The following FSTL5 variants were observed in gnomAD, a reference collection of about 807,000 sequenced individuals.
FSTL5 encodes follistatin-related protein 5.
FSTL5 carries 62 observed loss-of-function variants against 89.1 expected under a neutral mutation model. The ratio of observed to expected loss-of-function variants is 0.70; its 90% CI spans 0.57 to 0.86. The LOEUF is 0.86. Ranked by LOEUF, FSTL5 falls within the 40% of genes least tolerant of loss-of-function variation. The pLI, the probability that FSTL5 is intolerant of heterozygous loss-of-function variation, is 0.00. For missense variants in FSTL5, 1,057 were observed against 1,001.6 expected, an observed-to-expected ratio of 1.06 and a Z score of -0.75; for synonymous variants, 383 against 346.2, an observed-to-expected ratio of 1.11 and a Z score of -1.18.
intron 8 of FSTL5, among the ~76,000 whole-genome samples, chr4:161,580,346 C>T (rs1199235564): frequency 1.3e-5 from 2 of 152,104 alleles, no homozygotes; most frequent in Non-Finnish European, 2.9e-5. Flanking sequence ...AATAGAGCAG[C>T]AATTGTTATT....
intron 4 of FSTL5, among the ~76,000 whole-genome samples, chr4:161,848,538 A>C (rs4691799): frequency 6.6e-6 from 1 of 152,002 alleles, no homozygotes; most frequent in African/African-American, 2.4e-5. Context: ...GTTTCAGGAA[A>C]TTAATATATT....
intron 7 of FSTL5, among the ~76,000 whole-genome samples, chr4:161,638,609 A>G (rs1350472577): frequency 4.1e-5 from 6 of 148,056 alleles, no homozygotes; most frequent in African/African-American, 1.5e-4. Context: ...AACTATTCCA[A>G]TCAATAGAAA....
At chr4:161,532,785 T>C (rs1022093977) in intron 10 of FSTL5, among the ~76,000 whole-genome samples, 2 of 152,094 alleles carry the variant, frequency 1.3e-5, no homozygotes, top group Admixed American at 6.6e-5. Flanking sequence ...CCACAGAATA[T>C]ACATTCTTCT....
intron 3 of FSTL5, among the ~76,000 whole-genome samples, chr4:161,994,016 T>C (rs1043424649): frequency 6.6e-6 from 1 of 152,144 alleles, no homozygotes; most frequent in African/African-American, 2.4e-5. Context: ...TAGTACCTAA[T>C]AGTTATCTTT....
intron 15 of FSTL5, among the ~76,000 whole-genome samples, chr4:161,389,946 AGT>A (rs1402614957): frequency 1.3e-5 from 2 of 152,088 alleles, no homozygotes; most frequent in Non-Finnish European, 2.9e-5. Context: ...AAAAATAAAT[AGT>A]GTTACCCAAG....
At chr4:161,555,510 T>A (rs1415483379) in intron 8 of FSTL5, among the ~76,000 whole-genome samples, 1 of 151,624 alleles carries the variant, frequency 6.6e-6, no homozygotes. Flanking sequence ...TATATCTAAT[T>A]TAGAGATCAG....
In FSTL5 at chr4:161,473,408, C is replaced by T. The variant is rs191171423; in HGVS notation, c.1608+7612G>A. ...ATTTTTTTATTAATAAATTATCTCC[C>T]TCTTTGTCTCTTGTAATTTTTTTTT... is the stretch of plus-strand genomic sequence containing the variant. On this transcript the variant is annotated intron_variant, in intron 13 of 15. Coordinates refer to ENST00000306100, the MANE Select transcript of FSTL5 (RefSeq NM_020116.5). Among the ~76,000 whole-genome samples the T allele has an allele frequency of 3.0e-4, 44 of 144,706 alleles. No homozygotes were observed. The East Asian group carries it at 7.3e-3, about 24-fold the overall frequency. 94.9% of individuals were successfully genotyped at this position (144,706 alleles called of 152,430 possible). A position where few individuals can be genotyped will look rare whatever the true frequency, so the allele number is the denominator to read the frequency against.
At chr4:161,603,743 C>T (rs552551557) in intron 7 of FSTL5, among the ~76,000 whole-genome samples, 2 of 151,960 alleles carry the variant, frequency 1.3e-5, no homozygotes, top group Non-Finnish European at 2.9e-5. Context: ...GAATCATGTT[C>T]GAGAGACAGA....
intron 2 of FSTL5, among the ~76,000 whole-genome samples, chr4:162,045,176 TGAGA>T (rs1346434444): frequency 1.3e-5 from 2 of 152,160 alleles, no homozygotes; most frequent in Non-Finnish European, 2.9e-5. Context: ...TGATTTAAAG[TGAGA>T]GACATACAAT....
intron 5 of FSTL5, among the ~76,000 whole-genome samples, chr4:161,775,596 T>G (rs925874276): frequency 6.6e-6 from 1 of 152,034 alleles, no homozygotes; most frequent in Non-Finnish European, 1.5e-5. Context: ...TATTATAAAT[T>G]CTACAAGATA....
At chr4:161,483,038 C>A (rs28438841) in intron 12 of FSTL5, among the ~76,000 whole-genome samples, 1 of 152,132 alleles carries the variant, frequency 6.6e-6, no homozygotes, top group South Asian at 2.1e-4. Context: ...GGTGACTACT[C>A]GGGAGGTCAA....
intron 1 of FSTL5, among the ~76,000 whole-genome samples, chr4:162,146,345 T>C (rs930077676): frequency 3.9e-5 from 6 of 152,186 alleles, no homozygotes; most frequent in Non-Finnish European, 7.4e-5. Flanking sequence ...GGATCAAAAA[T>C]AGAATTTCCT....
chr4:161,972,649 C>T (rs1735517372), intron 3 of FSTL5, among the ~76,000 whole-genome samples: 1 of 152,128 alleles, frequency 6.6e-6, no homozygotes, highest in Non-Finnish European at 1.5e-5. Context: ...TCCTTCTTTG[C>T]CGGTTGCAGT....
rs575856262 is a variant in FSTL5 at position 161,490,194 on chromosome 4, G to A, written c.1459-9025C>T. Among the ~76,000 whole-genome samples the A allele has an allele frequency of 7.7e-4, 117 of 151,972 alleles. 2 individuals carry two copies. In the South Asian group the frequency reaches 0.019, roughly 24 times the overall value. ...TGTCATTACAAATCCATAAAAAATC[G>A]AAAACAAACTTTTAAGGAAAAGCAT... On this transcript the variant is annotated intron_variant, in intron 12 of 15. Coordinates refer to ENST00000306100, the MANE Select transcript of FSTL5 (RefSeq NM_020116.5).
chr4:161,995,271 T>C (rs1051321745), intron 3 of FSTL5, among the ~76,000 whole-genome samples: 4 of 152,206 alleles, frequency 2.6e-5, no homozygotes, highest in Non-Finnish European at 1.5e-5. Flanking sequence ...ATCCATAGCA[T>C]TAGTTACTTA....
intron 4 of FSTL5, among the ~76,000 whole-genome samples, chr4:161,827,077 G>T (rs926703189): frequency 6.6e-6 from 1 of 152,120 alleles, no homozygotes; most frequent in African/African-American, 2.4e-5. Context: ...GTAGTGCTGG[G>T]TGGACTATGT....
intron 6 of FSTL5, among the ~76,000 whole-genome samples, chr4:161,683,688 T>C (rs1027590095): frequency 6.6e-6 from 1 of 152,196 alleles, no homozygotes; most frequent in African/African-American, 2.4e-5. Flanking sequence ...CATGCATGCA[T>C]ATAATATAAA....
chr4:161,955,090 T>C (rs902936528), intron 3 of FSTL5, among the ~76,000 whole-genome samples: 3 of 151,618 alleles, frequency 2.0e-5, no homozygotes, highest in Admixed American at 2.0e-4. Context: ...CATGTTGATA[T>C]AAAAATGACT....
intron 8 of FSTL5, among the ~76,000 whole-genome samples, chr4:161,580,678 G>A (rs987175075): frequency 1.3e-5 from 2 of 152,096 alleles, no homozygotes; most frequent in African/African-American, 2.4e-5. Flanking sequence ...GTCCCTCATT[G>A]GTTAATGATG....
Sources: gnomAD v4.1 joint callset for allele counts (sites outside exome capture counted in the v4.1 genomes callset) on GRCh38, gnomAD v4.1.1 for gene constraint, MANE v1.5 for transcripts, NCBI Gene and HGNC (gene_info 2026-07-23, HGNC 2026-07-21) for gene names.